Variants in FREM3 observed in about 807,000 individuals in gnomAD.
FREM3 encodes FRAS1-related extracellular matrix protein 3.
In FREM3, 105 loss-of-function variants were observed where a neutral mutation model predicts 129.1. The observed-to-expected ratio is 0.81, with a 90% CI of 0.69 to 0.96. The LOEUF is 0.96. Ranked by LOEUF, FREM3 falls within the 40% of genes least tolerant of loss-of-function variation. FREM3 has a pLI of 0.00. For synonymous variants in FREM3, 1,014 were observed against 1,044.9 expected (o/e 0.97, Z 0.57); for missense variants, 2,593 against 2,666.3 (o/e 0.97, Z 0.61).
At position 143,664,451 on chromosome 4, in the gene FREM3, G is replaced by A. The variant is rs545755902; in HGVS notation, c.5275+28662C>T. Among the ~76,000 whole-genome samples, 47 of 152,228 alleles carry A rather than the reference G, an allele frequency of 3.1e-4. No homozygotes were observed. The South Asian group carries it at 9.3e-3, about 30-fold the overall frequency. On this transcript the variant is annotated intron_variant, in intron 2 of 7. Transcript: ENST00000329798. ...GTCTGATCGTTCCTCTGGAAGTTTT[G>A]TCTCAGAGGAGTACCCTGCCGTGTG...
At chr4:143,665,969 C>T (rs918837323) in intron 2 of FREM3, among the ~76,000 whole-genome samples, 9 of 152,102 alleles carry the variant, frequency 5.9e-5, no homozygotes, top group Admixed American at 2.0e-4. Context: ...GTTCTGAAAG[C>T]ATTTTTCATT....
In FREM3 at chr4:143,643,595, AT is replaced by A. The variant is rs944883681; in HGVS notation, c.5276-15836del. Among the ~76,000 whole-genome samples the A allele has an allele frequency of 3.4e-4, 51 of 151,640 alleles. 1 individual carries two copies. The highest frequency in any genetic ancestry group is 2.9e-3 in the Admixed American group (44 of 15,194). ...AATACTGCACAGTCTCACTTGTGGG[AT>A]TTTTTTTTAAAAGTTGGTGTCATAG... On this transcript the variant is annotated intron_variant, in intron 2 of 7. Coordinates refer to ENST00000329798, the MANE Select transcript of FREM3 (RefSeq NM_001168235.2).
intron 5 of FREM3, 140 bp from the exon 6 acceptor site, chr4:143,611,667 G>A (rs1217905626): frequency 6.9e-6 from 5 of 729,124 alleles, no homozygotes; most frequent in South Asian, 3.9e-5. Flanking sequence ...CTCACAAATA[G>A]TAATACTGTA....
intron 2 of FREM3, among the ~76,000 whole-genome samples, chr4:143,659,036 T>C (rs1037755332): frequency 1.3e-5 from 2 of 149,968 alleles, no homozygotes; most frequent in South Asian, 2.1e-4. Context: ...TATTTTCTTT[T>C]TTTTTTTTTA....
rs1035267012 is a variant in FREM3, at chr4:143,697,504, C to A, written c.3172G>T (p.Val1058Leu). 6.5e-7 allele frequency: 1 copy of A among 1,536,978 alleles called. No homozygotes were observed. The highest frequency in any genetic ancestry group is 2.0e-5 in the Admixed American group (1 of 50,984). The change falls in exon 1 of 8, where the codon GTA becomes TTA. Residue 1058 changes from valine (V) to leucine (L), a missense_variant. This residue lies in a region of FREM3 where 2,276 missense variants were observed against 2,267.2 expected (regional missense o/e 1.00). Coordinates refer to ENST00000329798, the MANE Select transcript of FREM3 (RefSeq NM_001168235.2). ...TCCACAGGCAGCACAGTTACTTGTA[C>A]CTGTACTTTCTCTATTATGCTATTC... The part of the protein sequence containing the change: ...VGNSIIEKVQ[V>L]QVTVLPVDNV...
At chr4:143,592,023 T>C (rs1177754346) in intron 6 of FREM3, among the ~76,000 whole-genome samples, 1 of 152,250 alleles carries the variant, frequency 6.6e-6, no homozygotes, top group African/African-American at 2.4e-5. Flanking sequence ...TTGATCTTTG[T>C]TGGTTTAACA....
intron 2 of FREM3, among the ~76,000 whole-genome samples, chr4:143,688,845 C>T (rs1740415005): frequency 6.6e-6 from 1 of 152,150 alleles, no homozygotes; most frequent in Non-Finnish European, 1.5e-5. Context: ...GAAACTGGAT[C>T]CTCATCTCTC....
intron 2 of FREM3, among the ~76,000 whole-genome samples, chr4:143,635,587 CT>C (rs1219300732): frequency 1.3e-5 from 2 of 152,140 alleles, no homozygotes; most frequent in Non-Finnish European, 2.9e-5. Flanking sequence ...CAAATGTCCC[CT>C]GGGGGGAAAT....
chr4:143,664,580 C>G (rs576976982), intron 2 of FREM3, among the ~76,000 whole-genome samples: 5 of 152,132 alleles, frequency 3.3e-5, no homozygotes, highest in Non-Finnish European at 7.4e-5. Context: ...TCTCAGATCT[C>G]CAGCTGCATG....
At chr4:143,646,364 G>A (rs1169874843) in intron 2 of FREM3, among the ~76,000 whole-genome samples, 28 of 152,170 alleles carry the variant, frequency 1.8e-4, no homozygotes, top group Admixed American at 1.8e-3. Context: ...CTAAGCATTA[G>A]TTGGTTTTCT....
chr4:143,633,775 A>G (rs1739182806), intron 2 of FREM3, among the ~76,000 whole-genome samples: 1 of 152,214 alleles, frequency 6.6e-6, no homozygotes, highest in Admixed American at 6.5e-5. Context: ...TTTACACAAT[A>G]TATAATTACT....
chr4:143,692,924 C>T lies in FREM3; in HGVS notation c.5275+189G>A, dbSNP rs959797869. Among the ~76,000 whole-genome samples the T allele has an allele frequency of 5.3e-5, 8 of 152,166 alleles. No individual in the cohort carries two copies. The East Asian group carries it at 1.5e-3, about 29-fold the overall frequency. ...TTTTTCTTCCTAAAAAGTTATTTAT[C>T]AAGAATCGTTTGGCACAGGACCATA... On this transcript the variant is annotated intron_variant, in intron 2 of 7. Transcript: ENST00000329798.
intron 6 of FREM3, among the ~76,000 whole-genome samples, chr4:143,605,384 C>A (rs948414655): frequency 4.6e-5 from 7 of 152,058 alleles, no homozygotes; most frequent in African/African-American, 1.7e-4. Flanking sequence ...AATAACTACT[C>A]TTACAGTTAA....
At position 143,699,741 on chromosome 4, in the gene FREM3, G is replaced by A. The variant is rs1161012494; in HGVS notation, c.935C>T (p.Thr312Met). Residue 312 changes from threonine (T) to methionine (M), a missense_variant, in exon 1 of 8, where the codon ACG becomes ATG. This residue lies in a region of FREM3 where 2,276 missense variants were observed against 2,267.2 expected (regional missense o/e 1.00). Transcript: ENST00000329798. The surrounding 1 kb of genome is among the most constrained non-coding windows in gnomAD (Gnocchi z 4.2). Reference sequence around the variant, plus strand: ...CAGTGGATCCACCTCCATCATCATCGTGGCCATGAAGCTGGGCCTGGGCGG... The same window carrying A: ...CAGTGGATCCACCTCCATCATCATCATGGCCATGAAGCTGGGCCTGGGCGG... ...NTPPRPSFMA[T>M]MMMEVDPLVL... 3.3e-6 allele frequency: 5 copies of A among 1,519,166 alleles called. No individual in the cohort carries two copies. Among genetic ancestry groups the A allele is most frequent in the Non-Finnish European group, 4.4e-6 (5 of 1,136,634 alleles). 94.1% of individuals were successfully genotyped at this position (1,519,166 alleles called of 1,614,324 possible). A position where few individuals can be genotyped will look rare whatever the true frequency, so the allele number is the denominator to read the frequency against.
At position 143,698,230 on chromosome 4, in the gene FREM3, C is replaced by T; in HGVS notation, c.2446G>A (p.Gly816Ser). The T allele has an allele frequency of 2.0e-6, 3 of 1,537,384 alleles. No individual in the cohort carries two copies. The highest frequency in any genetic ancestry group is 1.7e-6 in the Non-Finnish European group (2 of 1,146,928). ...VEDAAGNSVP[G>S]TFTLFLQPVD... The stretch of plus-strand genomic sequence containing the variant: ...GGTTGCAGGAATAATGTGAATGTGC[C>T]TGGCACGCTATTGCCTGCAGCATCT... Residue 816 changes from glycine to serine, a missense_variant, in exon 1 of 8, where the codon GGC becomes AGC. Gly to Ser is a moderately conservative substitution (Grantham distance 56). Transcript: ENST00000329798.
intron 6 of FREM3, among the ~76,000 whole-genome samples, chr4:143,609,297 C>T (rs773514241): frequency 6.6e-6 from 1 of 152,106 alleles, no homozygotes; most frequent in Non-Finnish European, 1.5e-5. Flanking sequence ...AGAAGAATAA[C>T]GAAGACTGTT....
chr4:143,698,174 G>T lies in FREM3; in HGVS notation c.2502C>A (p.Asn834Lys). The change falls in exon 1 of 8, where the codon AAC (asparagine) becomes AAA (lysine). Residue 834 changes from asparagine (N) to lysine (K), a missense_variant. Transcript: ENST00000329798. Reference sequence around the variant, plus strand: ...CTCCCTCTAAGATAGCAAAGCCTCTGTTGGTGACTTCTGGGGGCTGGTTGT... The same window carrying T: ...CTCCCTCTAAGATAGCAAAGCCTCTTTTGGTGACTTCTGGGGGCTGGTTGT... ...PVDNQPPEVT[N>K]RGFAILEGGS... The T allele has an allele frequency of 6.5e-7, 1 of 1,537,492 alleles. No homozygotes were observed. Among genetic ancestry groups the T allele is most frequent in the Non-Finnish European group, 8.7e-7 (1 of 1,146,970 alleles).
Position 143,696,336 on chromosome 4 carries a change from T to G in FREM3, c.4340A>C (p.Asn1447Thr). ...GTTGATGTCACTGTTGGTAAGCAGA[T>G]TGTTGGTAAGGGTCACTCTGGCACC... ...IEGARVTLTNNLLTNSDINSS... is the reference protein window; with the variant it reads ...IEGARVTLTNTLLTNSDINSS... The change falls in exon 1 of 8, where the codon AAT becomes ACT. Residue 1447 changes from asparagine (N) to threonine (T), a missense_variant. By Grantham distance (65) the Asn-to-Thr change is moderately conservative. Coordinates refer to ENST00000329798, the MANE Select transcript of FREM3 (RefSeq NM_001168235.2). 3 of 1,537,390 alleles carry G rather than the reference T, an allele frequency of 2.0e-6. No homozygotes were observed. Among genetic ancestry groups the G allele is most frequent in the Non-Finnish European group, 2.6e-6 (3 of 1,146,948 alleles).
chr4:143,589,400 C>G (rs1346472196), intron 6 of FREM3, among the ~76,000 whole-genome samples: 5 of 152,096 alleles, frequency 3.3e-5, no homozygotes. Context: ...TTTAATCCAT[C>G]TTGAATTAAT....
Sources: gnomAD v4.1 joint callset for allele counts (sites outside exome capture counted in the v4.1 genomes callset) on GRCh38, gnomAD v4.1.1 for gene constraint, gnomAD v4.1.1 regional missense constraint, Gnocchi (gnomAD v3.1) non-coding constraint, MANE v1.5 for transcripts, NCBI Gene and HGNC (gene_info 2026-07-23, HGNC 2026-07-21) for gene names.